SH3D19: variants seen among roughly 807,000 people sequenced by gnomAD.
SH3D19 encodes SH3 domain containing 19.
SH3D19 carries 58 observed loss-of-function variants against 112.1 expected under a neutral mutation model. The ratio of observed to expected loss-of-function variants is 0.52; its 90% CI spans 0.42 to 0.64. The LOEUF is 0.64. SH3D19 is among the 30% of genes least tolerant of loss of function. The pLI is 0.00. For synonymous variants in SH3D19, 391 were observed against 448.5 expected, an observed-to-expected ratio of 0.87 and a Z score of 1.62; for missense variants, 1,090 against 1,263.4, an observed-to-expected ratio of 0.86 and a Z score of 2.08.
chr4:151,198,970 T>C (rs1241893492), intron 2 of SH3D19, among the ~76,000 whole-genome samples: 1 of 151,604 alleles, frequency 6.6e-6, no homozygotes, highest in Non-Finnish European at 1.5e-5. Flanking sequence ...TATTCAACAA[T>C]TTCTCCATGA....
chr4:151,248,680 G>C (rs1264692704), intron 1 of SH3D19, among the ~76,000 whole-genome samples: 3 of 152,054 alleles, frequency 2.0e-5, no homozygotes, highest in Admixed American at 1.3e-4. Context: ...TGGAGAAGTG[G>C]AAGGCGCATG....
At chr4:151,177,096 G>A (rs1760067189) in intron 4 of SH3D19, 141 bp from the exon 5 acceptor site, 1 of 626,674 alleles carries the variant, frequency 1.6e-6, no homozygotes, top group South Asian at 8.7e-5. Context: ...GACCTGTCAG[G>A]CCTGGGCTGT....
At chr4:151,270,581 A>G (rs1183299992) in intron 1 of SH3D19, among the ~76,000 whole-genome samples, 1 of 151,912 alleles carries the variant, frequency 6.6e-6, no homozygotes, top group African/African-American at 2.4e-5. Context: ...TATGTACTGT[A>G]TGTAATTGTA....
intron 2 of SH3D19, among the ~76,000 whole-genome samples, chr4:151,196,267 TA>T (rs886415817): frequency 6.6e-6 from 1 of 151,674 alleles, no homozygotes; most frequent in African/African-American, 2.4e-5. Flanking sequence ...CTACAAAAAA[TA>T]AAAAAAATTA....
chr4:151,177,003 A>G lies in SH3D19; in HGVS notation c.237-48T>C, dbSNP rs139841935. On this transcript the variant is annotated intron_variant, in intron 4 of 19. Coordinates refer to ENST00000604030, the MANE Select transcript of SH3D19 (RefSeq NM_001378122.1). ...AGGTTTTGCAGAATGGTAACAAGCT[A>G]TTGTCTATCTATAAATGTTCAAAGA... The G allele has an allele frequency of 1.4e-3, 1,769 of 1,228,946 alleles. 14 individuals are homozygous for G. The African/African-American group carries it at 0.024, about 17-fold the overall frequency. The allele number at this position is 1,228,946 out of a possible 1,614,324, so 76.1% of individuals were successfully genotyped here.
chr4:151,121,767 TAAA>T lies in SH3D19; in HGVS notation c.*321_*323del, dbSNP rs1304329326. ...GCATGGTTAATTCACTTGTGCTGAT[TAAA>T]ACAGATGTCCACGTGCAACTTCTGT... On this transcript the variant is annotated 3_prime_UTR_variant, in exon 20 of 20. Coordinates refer to ENST00000604030, the MANE Select transcript of SH3D19 (RefSeq NM_001378122.1). 8 of 199,578 alleles carry T rather than the reference TAAA, an allele frequency of 4.0e-5. No individual in the cohort carries two copies. 12.4% of individuals were successfully genotyped at this position (199,578 alleles called of 1,614,324 possible).
At chr4:151,251,198 C>CTTTTTTTT (rs11368412) in intron 1 of SH3D19, among the ~76,000 whole-genome samples, 1 of 142,570 alleles carries the variant, frequency 7.0e-6, no homozygotes, top group Non-Finnish European at 1.5e-5. Flanking sequence ...TCTTTTTTTC[C>CTTTTTTTT]TTTTTTTTTT....
At chr4:151,292,979 G>C (rs1775448676) in intron 1 of SH3D19, among the ~76,000 whole-genome samples, 1 of 151,928 alleles carries the variant, frequency 6.6e-6, no homozygotes. Flanking sequence ...AATTAGCCAG[G>C]CATGGTGGCG....
chr4:151,300,461 T>C (rs1248519254), intron 1 of SH3D19: 1 of 151,894 alleles, frequency 6.6e-6, no homozygotes, highest in Non-Finnish European at 1.5e-5. Flanking sequence ...TGAGTGTAAA[T>C]GGACAGAACT....
intron 1 of SH3D19, among the ~76,000 whole-genome samples, chr4:151,237,006 C>T (rs957567974): frequency 2.0e-5 from 3 of 152,194 alleles, no homozygotes; most frequent in African/African-American, 4.8e-5. Flanking sequence ...ATGCTGAAGT[C>T]CCCTTCCATA....
chr4:151,142,077 A>G (rs1304160349), intron 12 of SH3D19, among the ~76,000 whole-genome samples: 1 of 152,242 alleles, frequency 6.6e-6, no homozygotes, highest in Admixed American at 6.5e-5. Context: ...TAAATATAAC[A>G]TAATGCAAAG....
At chr4:151,215,181 C>T (rs941806970) in intron 2 of SH3D19, among the ~76,000 whole-genome samples, 4 of 152,198 alleles carry the variant, frequency 2.6e-5, no homozygotes, top group African/African-American at 9.7e-5. Flanking sequence ...CTTGGCCTCC[C>T]AAAGTGTTGC....
At chr4:151,142,015 A>G (rs140570294) in intron 12 of SH3D19, among the ~76,000 whole-genome samples, 84 of 152,356 alleles carry the variant, frequency 5.5e-4, no homozygotes, top group African/African-American at 1.7e-3. Flanking sequence ...AGGGTTGCCA[A>G]CAAGTGGTCC....
intron 1 of SH3D19, among the ~76,000 whole-genome samples, chr4:151,267,913 T>C (rs1340577258): frequency 6.6e-6 from 1 of 152,164 alleles, no homozygotes; most frequent in Non-Finnish European, 1.5e-5. Flanking sequence ...TGTAGACTGG[T>C]CAATAAAGCA....
At chr4:151,172,645 G>T (rs1215162806) in intron 7 of SH3D19, among the ~76,000 whole-genome samples, 1 of 152,218 alleles carries the variant, frequency 6.6e-6, no homozygotes, top group Admixed American at 6.5e-5. Context: ...TAGGTGAGGA[G>T]TAGTATTACG....
At chr4:151,123,025 T>C (rs1304579639) in intron 19 of SH3D19, among the ~76,000 whole-genome samples, 1 of 152,114 alleles carries the variant, frequency 6.6e-6, no homozygotes, top group Non-Finnish European at 1.5e-5. Flanking sequence ...CTATTTTTTG[T>C]ATTTTTAGTA....
Position 151,237,327 on chromosome 4 carries a change from A to G in SH3D19, c.113-11241T>C, listed in dbSNP as rs867218043. 3.9e-5 allele frequency among the ~76,000 whole-genome samples: 6 copies of G among 152,334 alleles called. No homozygotes were observed. The South Asian group carries it at 1.0e-3, about 26-fold the overall frequency. On this transcript the variant is annotated intron_variant, in intron 1 of 19. Transcript: ENST00000604030. ...AAGATTATATTTTTTCTTTAATTCT[A>G]TCACTTATATATCTTTGATTTTGCA...
At chr4:151,226,169 A>T in intron 1 of SH3D19, 83 bp from the exon 2 acceptor site, 2 of 1,230,290 alleles carry the variant, frequency 1.6e-6, no homozygotes, top group Non-Finnish European at 2.0e-6. Flanking sequence ...CTGCCATACC[A>T]TTAGATTTCA....
chr4:151,283,213 C>G (rs1461091478), intron 1 of SH3D19: 1 of 1,613,866 alleles, frequency 6.2e-7, no homozygotes, highest in East Asian at 2.2e-5. Context: ...ATCTTCTTGC[C>G]AGCACTGGAG....
Sources: gnomAD v4.1 joint callset for allele counts (sites outside exome capture counted in the v4.1 genomes callset) on GRCh38, gnomAD v4.1.1 for gene constraint, MANE v1.5 for transcripts, NCBI Gene and HGNC (gene_info 2026-07-23, HGNC 2026-07-21) for gene names.